The following NTM variants were observed in gnomAD, a reference collection of about 807,000 sequenced individuals.
The protein encoded by NTM is IgLON family member 2.
A neutral mutation model predicts 42.1 loss-of-function variants in NTM; 13 were observed. The observed-to-expected ratio is 0.31, with a 90% CI of 0.20 to 0.49. The LOEUF (loss-of-function observed/expected upper bound fraction) is 0.49. Among genes scored for constraint, NTM ranks in the 20% least tolerant of loss-of-function variants. NTM has a pLI of 0.99. For synonymous variants in NTM, 187 were observed against 179.2 expected (o/e 1.04, Z -0.35); for missense variants, 373 against 452.8 (o/e 0.82, Z 1.60).
At chr11:131,708,331 A>G (rs2076791003) in intron 1 of NTM, among the ~76,000 whole-genome samples, 1 of 152,140 alleles carries the variant, frequency 6.6e-6, no homozygotes, top group African/African-American at 2.4e-5. Flanking sequence ...ACTTTTTATC[A>G]AATAATTTAA....
intron 1 of NTM, among the ~76,000 whole-genome samples, chr11:131,647,140 A>C (rs998303207): frequency 1.3e-5 from 2 of 152,184 alleles, no homozygotes; most frequent in Non-Finnish European, 2.9e-5. Flanking sequence ...TATATCCCCC[A>C]CCAACTTTCC....
At chr11:131,757,003 G>A (rs963094884) in intron 1 of NTM, among the ~76,000 whole-genome samples, 1 of 152,176 alleles carries the variant, frequency 6.6e-6, no homozygotes, top group African/African-American at 2.4e-5. Flanking sequence ...TTAGAGCAAG[G>A]GCCTCAAATG....
intron 1 of NTM, among the ~76,000 whole-genome samples, chr11:131,809,956 AT>A (rs2092671077): frequency 6.6e-6 from 1 of 152,112 alleles, no homozygotes; most frequent in Non-Finnish European, 1.5e-5. Flanking sequence ...CAACTTTTTG[AT>A]TTATTGTCAT....
At chr11:131,379,465 G>C (rs935947722) in intron 1 of NTM, among the ~76,000 whole-genome samples, 1 of 152,172 alleles carries the variant, frequency 6.6e-6, no homozygotes, top group Non-Finnish European at 1.5e-5. Context: ...GGACCAGATT[G>C]CCTTGAGCCA....
Position 131,852,636 on chromosome 11 carries a change from C to T in NTM, c.83-58928C>T, listed in dbSNP as rs567789959. 4.5e-4 allele frequency among the ~76,000 whole-genome samples: 69 copies of T among 152,166 alleles called. 1 individual carries two copies. The highest frequency in any genetic ancestry group is 2.7e-3 in the Admixed American group (41 of 15,272). ...TGCTGGGTCAGGGGCATGTTTTCTGCCTCTTACCTTTTGATTTATTTTGAT... is the reference window on the plus strand; with the variant it reads ...TGCTGGGTCAGGGGCATGTTTTCTGTCTCTTACCTTTTGATTTATTTTGAT... On this transcript the variant is annotated intron_variant, in intron 1 of 8. Transcript: ENST00000683400.
At chr11:132,256,015 G>A (rs938440049) in intron 4 of NTM, among the ~76,000 whole-genome samples, 1 of 152,022 alleles carries the variant, frequency 6.6e-6, no homozygotes, top group Non-Finnish European at 1.5e-5. Context: ...CTCCTCCATT[G>A]AGCTCCTCCC....
At chr11:131,866,797 G>A (rs1380200464) in intron 1 of NTM, among the ~76,000 whole-genome samples, 1 of 152,172 alleles carries the variant, frequency 6.6e-6, no homozygotes, top group Non-Finnish European at 1.5e-5. Flanking sequence ...TTAAAAAAAA[G>A]TGGCGATTTC....
chr11:132,125,384 GTAT>G (rs1262157239), intron 2 of NTM, among the ~76,000 whole-genome samples: 12 of 79,938 alleles, frequency 1.5e-4, no homozygotes, highest in East Asian at 3.3e-4. Context: ...GTGTGGTGGT[GTAT>G]GTGGTATGTG....
chr11:132,143,772 T>G (rs2137288504), intron 2 of NTM, among the ~76,000 whole-genome samples: 1 of 152,246 alleles, frequency 6.6e-6, no homozygotes, highest in African/African-American at 2.4e-5. Context: ...TTTTTGTTCT[T>G]GAGAGATTTC....
intron 7 of NTM, among the ~76,000 whole-genome samples, chr11:132,329,177 G>A (rs1024855724): frequency 2.0e-5 from 3 of 152,152 alleles, no homozygotes; most frequent in Non-Finnish European, 4.4e-5. Flanking sequence ...TTCTGTATGC[G>A]AGGACCTTTG....
intron 1 of NTM, among the ~76,000 whole-genome samples, chr11:131,415,640 G>A (rs1946865700): frequency 6.6e-6 from 1 of 152,010 alleles, no homozygotes; most frequent in Non-Finnish European, 1.5e-5. Flanking sequence ...CTATCACCAG[G>A]AATCTGTCAG....
chr11:132,088,754 C>T (rs2060043778), intron 2 of NTM, among the ~76,000 whole-genome samples: 1 of 152,146 alleles, frequency 6.6e-6, no homozygotes, highest in Admixed American at 6.5e-5. Flanking sequence ...AGGCAAGCCC[C>T]CTATGCACAA....
chr11:132,114,660 G>A (rs938834181), intron 2 of NTM, among the ~76,000 whole-genome samples: 1 of 152,098 alleles, frequency 6.6e-6, no homozygotes. Flanking sequence ...TTTAAACTCC[G>A]AACTAGAATA....
intron 2 of NTM, among the ~76,000 whole-genome samples, chr11:131,987,952 A>G (rs1251973065): frequency 6.6e-6 from 1 of 152,236 alleles, no homozygotes; most frequent in Non-Finnish European, 1.5e-5. Context: ...TTGTTGCCTT[A>G]GTCCAATCTG....
chr11:132,039,030 G>A (rs1362059764), intron 2 of NTM, among the ~76,000 whole-genome samples: 2 of 152,172 alleles, frequency 1.3e-5, no homozygotes, highest in Admixed American at 1.3e-4. Flanking sequence ...GGCACCAGTC[G>A]GGTACAGCAG....
intron 1 of NTM, chr11:131,537,606 G>A (rs2052482322): frequency 6.6e-6 from 1 of 152,252 alleles, no homozygotes; most frequent in South Asian, 2.1e-4. Context: ...TTAAAAGGCA[G>A]ACAAGATGGT....
intron 1 of NTM, among the ~76,000 whole-genome samples, chr11:131,620,666 G>T (rs1429247189): frequency 6.6e-6 from 1 of 152,188 alleles, no homozygotes; most frequent in Admixed American, 6.5e-5. Flanking sequence ...CATATGGGCT[G>T]CTCGCTGACT....
At chr11:132,326,156 TTAAAG>T (rs1392267156) in intron 7 of NTM, among the ~76,000 whole-genome samples, 7 of 151,850 alleles carry the variant, frequency 4.6e-5, no homozygotes, top group Admixed American at 2.6e-4. Context: ...ACCCTAAAAC[TTAAAG>T]TAAAATAATA....
At chr11:132,236,023 A>C (rs73040274) in intron 4 of NTM, among the ~76,000 whole-genome samples, 20,397 of 113,270 alleles carry the variant, frequency 0.18, 1,680 homozygotes, top group Middle Eastern at 0.28. Flanking sequence ...CACACACACA[A>C]CAAAATTGTA....
Sources: allele counts gnomAD v4.1 joint callset (sites outside exome capture counted in the v4.1 genomes callset), GRCh38; gene constraint gnomAD v4.1.1; transcripts MANE v1.5; gene names NCBI Gene and HGNC (gene_info 2026-07-23, HGNC 2026-07-21).